Variants in ITGA8 observed in about 807,000 individuals in gnomAD.
The protein encoded by ITGA8 is integrin subunit alpha 8.
In ITGA8, 91 loss-of-function variants were observed where a neutral mutation model predicts 142.3. The observed-to-expected ratio is 0.64, with a 90% CI of 0.54 to 0.76. ITGA8 has a LOEUF of 0.76. Among genes scored for constraint, ITGA8 ranks in the 30% least tolerant of loss-of-function variants. ITGA8 has a pLI of 0.00. For synonymous variants in ITGA8, 505 were observed against 485.2 expected, an observed-to-expected ratio of 1.04 and a Z score of -0.54; for missense variants, 1,406 against 1,327.7, an observed-to-expected ratio of 1.06 and a Z score of -0.92.
intron 21 of ITGA8, among the ~76,000 whole-genome samples, chr10:15,594,417 G>A (rs929893061): frequency 6.6e-6 from 1 of 152,116 alleles, no homozygotes; most frequent in South Asian, 2.1e-4. Context: ...ATTGAGTGAA[G>A]GTTGTATGTT....
chr10:15,580,213 A>G (rs889611459), intron 23 of ITGA8, among the ~76,000 whole-genome samples: 1 of 151,892 alleles, frequency 6.6e-6, no homozygotes, highest in African/African-American at 2.4e-5. Context: ...TAGAAATCCT[A>G]CAACTATTAA....
At position 15,686,317 on chromosome 10, in the gene ITGA8, T is replaced by C. The variant is rs546601015; in HGVS notation, c.444+1621A>G. 2.6e-5 allele frequency among the ~76,000 whole-genome samples: 4 copies of C among 152,322 alleles called. No individual in the cohort carries two copies. The South Asian group carries it at 8.3e-4, about 32-fold the overall frequency. On this transcript the variant is annotated intron_variant, in intron 3 of 29. Transcript: ENST00000378076. ...GGCCAATACCCCAAAACTCTCTAAC[T>C]CTTCTAGGTTCCCCAAGTTATCTGG... is the stretch of plus-strand genomic sequence containing the variant.
chr10:15,644,362 G>T (rs974885575), intron 12 of ITGA8, 141 bp from the exon 13 acceptor site: 1 of 572,866 alleles, frequency 1.7e-6, no homozygotes, highest in East Asian at 3.1e-5. Flanking sequence ...CACACTCCCG[G>T]ACTCAAGTGA....
chr10:15,710,525 C>G (rs1564419908), intron 2 of ITGA8, among the ~76,000 whole-genome samples: 1 of 152,164 alleles, frequency 6.6e-6, no homozygotes, highest in African/African-American at 2.4e-5. Context: ...ATCAGAAAAT[C>G]ATTCTGGAAG....
At chr10:15,657,509 C>CTTTTTTTTTTTTTTTTT (rs534714654) in intron 10 of ITGA8, among the ~76,000 whole-genome samples, 4 of 116,500 alleles carry the variant, frequency 3.4e-5, no homozygotes, top group Admixed American at 9.3e-5. Flanking sequence ...TCTTTTCTTT[C>CTTTTTTTTTTTTTTTTT]ATTTTTTTTT....
At chr10:15,565,572 G>GTTTTTT (rs1834062355) in intron 25 of ITGA8, among the ~76,000 whole-genome samples, 2 of 55,434 alleles carry the variant, frequency 3.6e-5, no homozygotes, top group Admixed American at 2.2e-4. Context: ...TTCATGTCCT[G>GTTTTTT]ATTTTTTTTT....
intron 12 of ITGA8, 49 bp downstream of exon 12, chr10:15,646,797 T>C (rs781681444): frequency 5.0e-6 from 7 of 1,404,192 alleles, no homozygotes; most frequent in African/African-American, 1.4e-5. Context: ...GTCTCCTTTA[T>C]GCAGTGGTGA....
At chr10:15,665,355 A>G (rs1172325810) in intron 8 of ITGA8, among the ~76,000 whole-genome samples, 1 of 151,756 alleles carries the variant, frequency 6.6e-6, no homozygotes, top group African/African-American at 2.4e-5. Flanking sequence ...CCACTTTTTG[A>G]TGGGGTTGTT....
At chr10:15,601,528 G>A (rs890164236) in intron 20 of ITGA8, among the ~76,000 whole-genome samples, 1 of 152,134 alleles carries the variant, frequency 6.6e-6, no homozygotes, top group Non-Finnish European at 1.5e-5. Flanking sequence ...TAAATATAAT[G>A]TCACTGAACT....
At chr10:15,700,993 CCA>C (rs939286487) in intron 2 of ITGA8, among the ~76,000 whole-genome samples, 1 of 152,118 alleles carries the variant, frequency 6.6e-6, no homozygotes, top group Admixed American at 6.5e-5. Flanking sequence ...TACATAGATT[CCA>C]CAGAGATGTT....
At chr10:15,620,267 A>G (rs2131622731) in intron 13 of ITGA8, among the ~76,000 whole-genome samples, 1 of 151,928 alleles carries the variant, frequency 6.6e-6, no homozygotes, top group Non-Finnish European at 1.5e-5. Context: ...CTGCAGCTAA[A>G]TTCTGCTGGA....
intron 13 of ITGA8, among the ~76,000 whole-genome samples, chr10:15,617,510 T>A (rs4748187): frequency 1.3e-5 from 2 of 151,974 alleles, no homozygotes; most frequent in Admixed American, 6.6e-5. Context: ...GTGATTCTCC[T>A]GCCTCAGCCT....
At chr10:15,551,867 GAGAA>G (rs1361097997) in intron 26 of ITGA8, among the ~76,000 whole-genome samples, 1 of 152,276 alleles carries the variant, frequency 6.6e-6, no homozygotes, top group African/African-American at 2.4e-5. Context: ...ACCAGTAAGA[GAGAA>G]AGAGAGTAAT....
rs759869562 is a variant in ITGA8, at chr10:15,644,043, C to G, written c.1386G>C (p.Lys462Asn). ...FTLRGDSDID[K>N]NDYPDLIVGA... ...AGAAAACCTTACCTGGGTAATCATT[C>G]TTGTCTATGTCTGAATCTCCTCTTA... Residue 462 changes from lysine to asparagine, a missense_variant, in exon 13 of 30, where the codon AAG (lysine) becomes AAC (asparagine). Transcript: ENST00000378076. The G allele has an allele frequency of 4.3e-6, 7 of 1,613,112 alleles. No homozygotes were observed. The highest frequency in any genetic ancestry group is 5.9e-6 in the Non-Finnish European group (7 of 1,179,338).
Position 15,517,029 on chromosome 10 carries a change from TCCAGGGTCCCCTCC to T in ITGA8, c.*115_*128del. The T allele has an allele frequency of 2.0e-6, 1 of 501,462 alleles. No individual in the cohort carries two copies. Among genetic ancestry groups the T allele is most frequent in the Non-Finnish European group, 3.3e-6 (1 of 301,564 alleles). The allele number at this position is 501,462 out of a possible 1,614,324, so 31.1% of individuals were successfully genotyped here. A position where few individuals can be genotyped will look rare whatever the true frequency, so the allele number is the denominator to read the frequency against. On this transcript the variant is annotated 3_prime_UTR_variant, in exon 30 of 30. Coordinates refer to ENST00000378076, the MANE Select transcript of ITGA8 (RefSeq NM_003638.3). ...AGTGCGGTGTAGATGAGGTGATGTT[TCCAGGGTCCCCTCC>T]ATTTCCTGGGTCACTGTCAGGTATC...
chr10:15,588,329 G>C (rs983926378), intron 22 of ITGA8, among the ~76,000 whole-genome samples: 2 of 152,276 alleles, frequency 1.3e-5, no homozygotes, highest in Admixed American at 6.5e-5. Flanking sequence ...CAAATGTCAG[G>C]CTCATTTCCT....
Position 15,718,560 on chromosome 10 carries a change from C to A in ITGA8, c.343+206G>T, listed in dbSNP as rs149904705. On this transcript the variant is annotated intron_variant, in intron 2 of 29. Coordinates refer to ENST00000378076, the MANE Select transcript of ITGA8 (RefSeq NM_003638.3). ...CGAACACTCAGGGTCAAAATAGTGT[C>A]CTTTCTCTAGGGTTCACTAAACGTC... Among the ~76,000 whole-genome samples the A allele has an allele frequency of 1.3e-3, 197 of 152,294 alleles. 1 individual carries two copies. Among genetic ancestry groups the A allele is most frequent in the African/African-American group, 4.5e-3 (188 of 41,556 alleles).
intron 2 of ITGA8, among the ~76,000 whole-genome samples, chr10:15,708,257 A>C (rs976349521): frequency 6.6e-6 from 1 of 152,196 alleles, no homozygotes; most frequent in African/African-American, 2.4e-5. Context: ...TAAAGTGTGT[A>C]ATGATTTAAT....
intron 15 of ITGA8, among the ~76,000 whole-genome samples, chr10:15,613,256 TGTAAGA>T (rs1446853736): frequency 1.3e-5 from 2 of 152,164 alleles, no homozygotes; most frequent in African/African-American, 4.8e-5. Context: ...TATGCCAAAA[TGTAAGA>T]GTCTAGGTAT....
Sources: allele counts gnomAD v4.1 joint callset (sites outside exome capture counted in the v4.1 genomes callset), GRCh38; gene constraint gnomAD v4.1.1; transcripts MANE v1.5; gene names NCBI Gene and HGNC (gene_info 2026-07-23, HGNC 2026-07-21).